TNKS2: variants seen among roughly 807,000 people sequenced by gnomAD.
TNKS2 encodes the protein tankyrase 2.
TNKS2 carries 72 observed loss-of-function variants against 137.6 expected under a neutral mutation model. That is an observed-to-expected ratio of 0.52 (90% CI 0.43 to 0.64). The LOEUF is 0.64. Among genes scored for constraint, TNKS2 ranks in the 30% least tolerant of loss-of-function variants. TNKS2 has a pLI of 0.00. For synonymous variants in TNKS2, 516 were observed against 512.1 expected (o/e 1.01, Z -0.10); for missense variants, 1,049 against 1,410.2 (o/e 0.74, Z 4.10).
Position 91,848,516 on chromosome 10 carries a change from G to T in TNKS2, c.2492G>T (p.Ser831Ile). The T allele has an allele frequency of 6.2e-7, 1 of 1,614,114 alleles. No homozygotes were observed. The highest frequency in any genetic ancestry group is 8.5e-7 in the Non-Finnish European group (1 of 1,180,028). The change falls in exon 19 of 27, where the codon AGC becomes ATC. Residue 831 changes from serine to isoleucine, a missense_variant. Physicochemically the swap from Ser to Ile is moderately radical, Grantham distance 142 (BLOSUM62 -2). Coordinates refer to ENST00000371627, the MANE Select transcript of TNKS2 (RefSeq NM_025235.4). ...TADALSSGPS[S>I]PSSLSAASSL... The stretch of plus-strand genomic sequence containing the variant: ...GATGCTCTCTCTTCAGGTCCATCTA[G>T]CCCATCAAGCCTTTCTGCAGCCAGC...
Position 91,839,615 on chromosome 10 carries a change from A to G in TNKS2, c.1528-946A>G, listed in dbSNP as rs374682738. On this transcript the variant is annotated intron_variant, in intron 13 of 26. Coordinates refer to ENST00000371627, the MANE Select transcript of TNKS2 (RefSeq NM_025235.4). ...CCTAACCATCAGCATTCTATTAGTT[A>G]TTTCATTCCACATGGAGTGGTATGG... Among the ~76,000 whole-genome samples the G allele has an allele frequency of 9.2e-5, 14 of 152,254 alleles. No homozygotes were observed. The East Asian group carries it at 9.7e-4, about 11-fold the overall frequency.
chr10:91,862,108 G>A lies in TNKS2; in HGVS notation c.3391G>A (p.Val1131Ile), dbSNP rs757392571. ...TCACTCAGTCACTGGTAGGCCCAGTGTAAATGGCCTAGCATTAGCTGAATA... is the reference window on the plus strand; with the variant it reads ...TCACTCAGTCACTGGTAGGCCCAGTATAAATGGCCTAGCATTAGCTGAATA... ...GHHSVTGRPS[V>I]NGLALAEYVI... is the part of the protein sequence containing the mutation. Residue 1131 changes from valine to isoleucine, a missense_variant, in exon 26 of 27, where the codon GTA becomes ATA. Physicochemically the swap from Val to Ile is conservative, Grantham distance 29. Coordinates refer to ENST00000371627, the MANE Select transcript of TNKS2 (RefSeq NM_025235.4). 3.1e-6 allele frequency: 5 copies of A among 1,612,664 alleles called. No individual in the cohort carries two copies. In the South Asian group the frequency reaches 5.5e-5, roughly 18 times the overall value.
intron 25 of TNKS2, among the ~76,000 whole-genome samples, chr10:91,860,959 A>G (rs963801951): frequency 6.6e-6 from 1 of 152,218 alleles, no homozygotes; most frequent in African/African-American, 2.4e-5. Flanking sequence ...GCAGCATTCT[A>G]ATACCTCCCT....
rs774084277 is a variant in TNKS2 at position 91,851,311 on chromosome 10, C to T, written c.2790C>T (p.Val930=). The T allele has an allele frequency of 3.1e-6, 5 of 1,607,606 alleles. No individual in the cohort carries two copies. The highest frequency in any genetic ancestry group is 1.3e-5 in the African/African-American group (1 of 74,478). ...ATAGGCACAAACTAATTAAAGGAGT[C>T]GAGAGACTTATCTCCGGACAACAAG... is the stretch of plus-strand genomic sequence containing the variant. ...YGHRHKLIKG[V]ERLISGQQGL... Residue 930 remains valine (V), a synonymous_variant, in exon 21 of 27, where the codon GTC becomes GTT. Coordinates refer to ENST00000371627, the MANE Select transcript of TNKS2 (RefSeq NM_025235.4).
chr10:91,840,919 T>C (rs1442031450), intron 14 of TNKS2, among the ~76,000 whole-genome samples: 1 of 152,226 alleles, frequency 6.6e-6, no homozygotes, highest in African/African-American at 2.4e-5. Flanking sequence ...AATTTTATAA[T>C]GGCCAAGGAG....
chr10:91,842,095 A>T, intron 15 of TNKS2, 77 bp from the exon 16 acceptor site: 2 of 974,640 alleles, frequency 2.1e-6, no homozygotes, highest in Non-Finnish European at 3.1e-6. Context: ...TGGTATAGTT[A>T]ACACTGACTA....
At chr10:91,803,679 A>G (rs1471330684) in intron 1 of TNKS2, among the ~76,000 whole-genome samples, 1 of 152,224 alleles carries the variant, frequency 6.6e-6, no homozygotes, top group Non-Finnish European at 1.5e-5. Flanking sequence ...CTCAGAAAAA[A>G]TGTGTCACTG....
intron 12 of TNKS2, among the ~76,000 whole-genome samples, chr10:91,835,285 C>CTTTTTTTTTT (rs558797252): frequency 2.9e-5 from 4 of 140,342 alleles, no homozygotes; most frequent in Admixed American, 7.1e-5. Flanking sequence ...TCTTTTTTTT[C>CTTTTTTTTTT]TTTTTTTTTT....
At position 91,813,941 on chromosome 10, in the gene TNKS2, T is replaced by C. The variant is rs565900051; in HGVS notation, c.424+734T>C. ...TATAAACGTATAGCATATAAAATTA[T>C]GTACACTACATGATACTTGATAATA... On this transcript the variant is annotated intron_variant, in intron 2 of 26. Transcript: ENST00000371627. 8.5e-5 allele frequency among the ~76,000 whole-genome samples: 13 copies of C among 152,336 alleles called. No homozygotes were observed. In the South Asian group the frequency reaches 1.0e-3, roughly 12 times the overall value.
intron 17 of TNKS2, among the ~76,000 whole-genome samples, chr10:91,845,533 T>G (rs1186786292): frequency 6.6e-6 from 1 of 152,218 alleles, no homozygotes; most frequent in Admixed American, 6.5e-5. Flanking sequence ...TAAATAGAAT[T>G]CTTAACTCTT....
At chr10:91,805,726 C>G (rs558454218) in intron 1 of TNKS2, among the ~76,000 whole-genome samples, 1 of 152,344 alleles carries the variant, frequency 6.6e-6, no homozygotes, top group Admixed American at 6.5e-5. Context: ...AATCCTTATT[C>G]TAAAATGCTT....
chr10:91,821,356 A>G (rs1284609953), intron 6 of TNKS2, among the ~76,000 whole-genome samples: 1 of 152,088 alleles, frequency 6.6e-6, no homozygotes, highest in East Asian at 1.9e-4. Flanking sequence ...TAATGGGGTG[A>G]TACAGGAACA....
intron 9 of TNKS2, among the ~76,000 whole-genome samples, 194 bp from the exon 10 acceptor site, chr10:91,830,729 T>C (rs1473877810): frequency 3.9e-5 from 6 of 152,206 alleles, no homozygotes; most frequent in African/African-American, 1.4e-4. Context: ...AGATATTATC[T>C]GATAGGTAGG....
chr10:91,809,125 A>C (rs1388142773), intron 1 of TNKS2, among the ~76,000 whole-genome samples: 1 of 152,222 alleles, frequency 6.6e-6, no homozygotes, highest in Non-Finnish European at 1.5e-5. Context: ...TATTATTAAT[A>C]ATAGATGTTT....
intron 6 of TNKS2, 100 bp from the exon 7 acceptor site, chr10:91,822,196 C>A: frequency 2.3e-6 from 2 of 875,836 alleles, no homozygotes; most frequent in Non-Finnish European, 3.5e-6. Flanking sequence ...AATCCATTTG[C>A]TATTTAAGTA....
intron 12 of TNKS2, among the ~76,000 whole-genome samples, chr10:91,834,855 A>G (rs1256327750): frequency 1.3e-5 from 2 of 152,354 alleles, no homozygotes; most frequent in African/African-American, 2.4e-5. Context: ...TAGTGATAGA[A>G]TGTAAAGTCT....
chr10:91,836,882 G>C, intron 12 of TNKS2, 37 bp from the exon 13 acceptor site: 2 of 1,592,108 alleles, frequency 1.3e-6, no homozygotes, highest in East Asian at 2.3e-5. Flanking sequence ...CTTCCAAATA[G>C]AGGTTAGTCA....
intron 16 of TNKS2, 22 bp downstream of exon 16, chr10:91,842,413 G>C: frequency 6.2e-7 from 1 of 1,600,660 alleles, no homozygotes; most frequent in East Asian, 2.2e-5. Context: ...AAGTTTCACA[G>C]ATTTAGGCTG....
chr10:91,842,824 C>T (rs1376320038), intron 16 of TNKS2, among the ~76,000 whole-genome samples: 1 of 152,106 alleles, frequency 6.6e-6, no homozygotes, highest in East Asian at 1.9e-4. Flanking sequence ...CACCATTATA[C>T]TCTTCAGTGT....
Sources: allele counts gnomAD v4.1 joint callset (sites outside exome capture counted in the v4.1 genomes callset), GRCh38; gene constraint gnomAD v4.1.1; transcripts MANE v1.5; gene names NCBI Gene and HGNC (gene_info 2026-07-23, HGNC 2026-07-21).